NALF1: variants seen among roughly 807,000 people sequenced by gnomAD.
NALF1 encodes the protein family with sequence similarity 155 member A.
NALF1 carries 3 observed loss-of-function variants against 48.4 expected under a neutral mutation model. The ratio of observed to expected loss-of-function variants is 0.06; its 90% CI spans 0.03 to 0.16. NALF1 has a LOEUF of 0.16. NALF1 is among the 10% of genes least tolerant of loss of function. The probability of loss-of-function intolerance (pLI) is 1.00; values close to 1 mark genes in which losing one functional copy is unlikely to be tolerated. For missense variants in NALF1, 526 were observed against 571.5 expected, an observed-to-expected ratio of 0.92 and a Z score of 0.81; for synonymous variants, 262 against 245.7, an observed-to-expected ratio of 1.07 and a Z score of -0.62.
intron 1 of NALF1, among the ~76,000 whole-genome samples, chr13:107,511,415 CTA>C (rs768611155): frequency 8.6e-5 from 13 of 151,990 alleles, no homozygotes; most frequent in Non-Finnish European, 1.6e-4. Context: ...CAAGCAAAAT[CTA>C]TAGAGGAGGA....
At chr13:107,565,860 T>G (rs1877795663) in intron 1 of NALF1, among the ~76,000 whole-genome samples, 2 of 152,192 alleles carry the variant, frequency 1.3e-5, no homozygotes, top group Admixed American at 1.3e-4. Flanking sequence ...AAATTTAAAA[T>G]GATTTAACTT....
intron 1 of NALF1, among the ~76,000 whole-genome samples, chr13:107,844,240 G>GATT (rs1880114341): frequency 1.6e-5 from 1 of 63,914 alleles, no homozygotes; most frequent in African/African-American, 5.6e-5. Context: ...ATAAAATACA[G>GATT]ATAAGAAAAT....
At chr13:107,190,663 G>A (rs928047603) in intron 2 of NALF1, among the ~76,000 whole-genome samples, 2 of 152,034 alleles carry the variant, frequency 1.3e-5, no homozygotes. Context: ...GAACAGATAA[G>A]AAAATCATTC....
At chr13:107,330,799 G>A (rs1477922750) in intron 1 of NALF1, among the ~76,000 whole-genome samples, 1 of 152,152 alleles carries the variant, frequency 6.6e-6, no homozygotes, top group African/African-American at 2.4e-5. Flanking sequence ...CTGTCATGAG[G>A]AACACCATAG....
At chr13:107,719,390 G>T (rs1395686265) in intron 1 of NALF1, among the ~76,000 whole-genome samples, 1 of 152,082 alleles carries the variant, frequency 6.6e-6, no homozygotes, top group East Asian at 1.9e-4. Context: ...AAAGTCTCCT[G>T]TTTCTACTAA....
intron 1 of NALF1, among the ~76,000 whole-genome samples, chr13:107,853,894 G>T (rs1880378576): frequency 6.6e-6 from 1 of 152,278 alleles, no homozygotes; most frequent in Non-Finnish European, 1.5e-5. Flanking sequence ...GAAATAGTTG[G>T]ACTGTTTCAC....
chr13:107,178,800 C>T (rs914512486), intron 2 of NALF1, among the ~76,000 whole-genome samples: 1 of 151,980 alleles, frequency 6.6e-6, no homozygotes, highest in African/African-American at 2.4e-5. Context: ...AAAAAATTAG[C>T]CGGGCGTGGT....
intron 1 of NALF1, among the ~76,000 whole-genome samples, chr13:107,711,447 C>T (rs4772914): frequency 0.092 from 14,060 of 152,200 alleles, 1,488 homozygotes; most frequent in East Asian, 0.42. Flanking sequence ...ACAATTCTCC[C>T]GTCTCAGCCT....
At chr13:107,836,923 G>A (rs1350229584) in intron 1 of NALF1, among the ~76,000 whole-genome samples, 10 of 152,102 alleles carry the variant, frequency 6.6e-5, no homozygotes, top group African/African-American at 2.2e-4. Context: ...TGACACTAAC[G>A]GGAAGAATTC....
chr13:107,734,033 A>G (rs958710898), intron 1 of NALF1, among the ~76,000 whole-genome samples: 7 of 152,200 alleles, frequency 4.6e-5, no homozygotes, highest in Non-Finnish European at 1.0e-4. Flanking sequence ...GGCAACGGCA[A>G]AACAGTGGTA....
intron 1 of NALF1, among the ~76,000 whole-genome samples, chr13:107,292,992 C>CTTTTTCTTTTTTTTTTTTTT (rs745529749): frequency 2.7e-5 from 3 of 110,678 alleles, no homozygotes; most frequent in Non-Finnish European, 3.6e-5. Flanking sequence ...TTTTCTTTTT[C>CTTTTTCTTTTTTTTTTTTTT]TTTTTTTTTT....
chr13:107,852,553 T>G (rs1023017855), intron 1 of NALF1, among the ~76,000 whole-genome samples: 5 of 152,206 alleles, frequency 3.3e-5, no homozygotes, highest in African/African-American at 1.2e-4. Context: ...TGGACAATGA[T>G]CATATCCTTT....
At chr13:107,829,651 T>C (rs542758184) in intron 1 of NALF1, among the ~76,000 whole-genome samples, 12 of 152,262 alleles carry the variant, frequency 7.9e-5, no homozygotes, top group Non-Finnish European at 1.8e-4. Flanking sequence ...CTAAGTATTA[T>C]TGTTGCTTCA....
intron 1 of NALF1, among the ~76,000 whole-genome samples, chr13:107,374,737 A>T (rs1159691822): frequency 2.6e-5 from 4 of 152,014 alleles, no homozygotes; most frequent in African/African-American, 7.2e-5. Context: ...TCATGAATGG[A>T]TTAATGTCAT....
At chr13:107,584,076 T>C (rs191250901) in intron 1 of NALF1, among the ~76,000 whole-genome samples, 2 of 152,280 alleles carry the variant, frequency 1.3e-5, no homozygotes, top group Admixed American at 1.3e-4. Context: ...ATAGAATCTA[T>C]ACTTTAAATT....
intron 1 of NALF1, among the ~76,000 whole-genome samples, chr13:107,355,121 C>T (rs925833167): frequency 6.6e-6 from 1 of 152,098 alleles, no homozygotes; most frequent in Non-Finnish European, 1.5e-5. Context: ...GTCTTTGGGC[C>T]GGTTGCCCTC....
At chr13:107,414,240 A>T (rs979189763) in intron 1 of NALF1, among the ~76,000 whole-genome samples, 1 of 151,936 alleles carries the variant, frequency 6.6e-6, no homozygotes, top group African/African-American at 2.4e-5. Context: ...GCCAATTTTA[A>T]TAGTTAAATA....
chr13:107,394,868 A>G (rs1352138851), intron 1 of NALF1, among the ~76,000 whole-genome samples: 1 of 152,170 alleles, frequency 6.6e-6, no homozygotes, highest in Non-Finnish European at 1.5e-5. Context: ...ACAGGGAAGG[A>G]GGAAGGAGAA....
At chr13:107,358,987 T>C (rs1028405126) in intron 1 of NALF1, among the ~76,000 whole-genome samples, 2 of 152,152 alleles carry the variant, frequency 1.3e-5, no homozygotes, top group Admixed American at 6.6e-5. Context: ...TTTTTGGAGA[T>C]CCTGAACTAT....
Sources: gnomAD v4.1 joint callset for allele counts (sites outside exome capture counted in the v4.1 genomes callset) on GRCh38, gnomAD v4.1.1 for gene constraint, MANE v1.5 for transcripts, NCBI Gene and HGNC (gene_info 2026-07-23, HGNC 2026-07-21) for gene names.